The following PCDHA4 variants were observed in gnomAD, a reference collection of about 807,000 sequenced individuals.
PCDHA4 encodes the protein protocadherin alpha-4.
In PCDHA4, 49 loss-of-function variants were observed where a neutral mutation model predicts 61.4. The observed-to-expected ratio is 0.80, with a 90% CI of 0.63 to 1.01. The LOEUF is 1.01. PCDHA4 is among the 50% of genes least tolerant of loss of function. PCDHA4 has a pLI of 0.00. For synonymous variants in PCDHA4, 590 were observed against 550.3 expected (o/e 1.07, Z -1.01); for missense variants, 1,254 against 1,235.8 (o/e 1.01, Z -0.22).
At chr5:140,853,249 A>G in intron 1 of PCDHA4, 1 of 975,702 alleles carries the variant, frequency 1.0e-6, no homozygotes, top group Non-Finnish European at 1.2e-6. Flanking sequence ...ATTAATCTCT[A>G]TTCTCTCTCA....
chr5:140,956,701 G>T (rs549659732), intron 1 of PCDHA4, among the ~76,000 whole-genome samples: 1 of 152,138 alleles, frequency 6.6e-6, no homozygotes, highest in Non-Finnish European at 1.5e-5. Context: ...CCATTGTTTG[G>T]AATAGCTTCA....
chr5:140,814,801 T>G (rs1765593283), intron 1 of PCDHA4: 1 of 152,204 alleles, frequency 6.6e-6, no homozygotes, highest in East Asian at 1.9e-4. Context: ...ATACAACACT[T>G]GACTTTATTG....
chr5:140,857,951 G>T (rs569786768), intron 1 of PCDHA4: 15 of 1,597,274 alleles, frequency 9.4e-6, no homozygotes, highest in East Asian at 2.2e-5. Flanking sequence ...TACGACGCGC[G>T]CTCTGGATGA....
chr5:140,831,798 C>T (rs1370257293), intron 1 of PCDHA4, among the ~76,000 whole-genome samples: 1 of 152,186 alleles, frequency 6.6e-6, no homozygotes, highest in African/African-American at 2.4e-5. Context: ...ATTTCAGTTT[C>T]TTCTGTAAAG....
chr5:140,916,717 T>C (rs781839792), intron 1 of PCDHA4, among the ~76,000 whole-genome samples: 1 of 151,908 alleles, frequency 6.6e-6, no homozygotes, highest in South Asian at 2.1e-4. Flanking sequence ...AAGGAAGGAG[T>C]GACTTTTGTT....
At chr5:140,914,817 C>T (rs2076857750) in intron 1 of PCDHA4, among the ~76,000 whole-genome samples, 1 of 152,040 alleles carries the variant, frequency 6.6e-6, no homozygotes, top group African/African-American at 2.4e-5. Flanking sequence ...ACTTAACAGA[C>T]TGCATAAACA....
chr5:140,967,828 C>T (rs2096188201), intron 1 of PCDHA4: 2 of 1,614,028 alleles, frequency 1.2e-6, no homozygotes, highest in Non-Finnish European at 1.7e-6. Flanking sequence ...TGCTGGTGGA[C>T]ATCGTGGACG....
chr5:140,968,608 T>A, intron 1 of PCDHA4: 1 of 1,614,242 alleles, frequency 6.2e-7, no homozygotes, highest in Non-Finnish European at 8.5e-7. Flanking sequence ...ACTCAGACTC[T>A]GGGCAAAATG....
chr5:140,829,861 G>T lies in PCDHA4; in HGVS notation c.2385+20289G>T, dbSNP rs200510937. 1.7e-5 allele frequency: 27 copies of T among 1,613,838 alleles called. No individual in the cohort carries two copies. The East Asian group carries it at 5.6e-4, about 33-fold the overall frequency. ...CGCGGTCACTGGGTGCAGGCCAAGT[G>T]GTGGCGAAGGTGCGCGCAGTTGACG... On this transcript the variant is annotated intron_variant, in intron 1 of 3. Transcript: ENST00000530339.
intron 3 of PCDHA4, 22 bp downstream of exon 3, chr5:140,982,585 ATTCT>A: frequency 6.2e-7 from 1 of 1,611,974 alleles, no homozygotes; most frequent in Non-Finnish European, 8.5e-7. Flanking sequence ...GGGTCTCTCC[ATTCT>A]TTCTTGGTTT....
At chr5:140,999,327 G>A (rs1554256745) in intron 3 of PCDHA4, among the ~76,000 whole-genome samples, 1 of 152,200 alleles carries the variant, frequency 6.6e-6, no homozygotes, top group Non-Finnish European at 1.5e-5. Context: ...ATTGATCTGT[G>A]TGATTTATAA....
rs2150264019 is a variant in PCDHA4 at position 140,836,559 on chromosome 5, C to T, written c.2385+26987C>T. ...GTACACGGCGTTGCGGTGCTCAGCG[C>T]CGTCCTCTGAGGGCGCATGTAGTTT... On this transcript the variant is annotated intron_variant, in intron 1 of 3. Coordinates refer to ENST00000530339, the MANE Select transcript of PCDHA4 (RefSeq NM_018907.4). The T allele has an allele frequency of 2.8e-5, 45 of 1,613,622 alleles. No individual in the cohort carries two copies. Among genetic ancestry groups the T allele is most frequent in the Non-Finnish European group, 3.6e-5 (43 of 1,179,846 alleles).
At chr5:140,856,100 C>T (rs782183125) in intron 1 of PCDHA4, 2 of 1,597,876 alleles carry the variant, frequency 1.3e-6, no homozygotes, top group Non-Finnish European at 1.7e-6. Context: ...GCTCTCGCTT[C>T]TTCTCCTCGC....
intron 1 of PCDHA4, among the ~76,000 whole-genome samples, chr5:140,936,396 A>G (rs983509296): frequency 1.4e-4 from 22 of 152,112 alleles, no homozygotes; most frequent in African/African-American, 5.3e-4. Flanking sequence ...AAACTGGGCT[A>G]CTCAATTTTT....
chr5:140,970,774 A>G (rs1554232727), intron 1 of PCDHA4, among the ~76,000 whole-genome samples: 2 of 152,218 alleles, frequency 1.3e-5, no homozygotes, highest in Admixed American at 1.3e-4. Context: ...TGCTGTACAT[A>G]CATATTGTAT....
At chr5:141,001,122 TAAAC>T (rs1274933487) in intron 3 of PCDHA4, among the ~76,000 whole-genome samples, 1 of 152,154 alleles carries the variant, frequency 6.6e-6, no homozygotes, top group African/African-American at 2.4e-5. Flanking sequence ...CAATAGTCCT[TAAAC>T]AAATGAATCT....
At chr5:140,828,226 G>A (rs1554131112) in intron 1 of PCDHA4, 10 of 1,614,004 alleles carry the variant, frequency 6.2e-6, no homozygotes, top group Non-Finnish European at 5.1e-6. Context: ...GCACCTTCGT[G>A]GGCCGGATCG....
chr5:140,847,369 A>G (rs1780982240), intron 1 of PCDHA4: 1 of 149,774 alleles, frequency 6.7e-6, no homozygotes. Context: ...ATACGAAATA[A>G]AAGATAAATA....
intron 1 of PCDHA4, among the ~76,000 whole-genome samples, chr5:140,832,258 A>G (rs2150200533): frequency 6.6e-6 from 1 of 152,304 alleles, no homozygotes; most frequent in African/African-American, 2.4e-5. Context: ...TGTTCCCAGG[A>G]AATATTAGAC....
Sources: gnomAD v4.1 joint callset for allele counts (sites outside exome capture counted in the v4.1 genomes callset) on GRCh38, gnomAD v4.1.1 for gene constraint, MANE v1.5 for transcripts, NCBI Gene and HGNC (gene_info 2026-07-23, HGNC 2026-07-21) for gene names.